The following DCP2 variants were observed in gnomAD, a reference collection of about 807,000 sequenced individuals.
DCP2 encodes m7GpppN-mRNA hydrolase.
In DCP2, 30 loss-of-function variants were observed where a neutral mutation model predicts 56.1. The ratio of observed to expected loss-of-function variants is 0.53; its 90% confidence interval spans 0.40 to 0.73. The LOEUF (loss-of-function observed/expected upper bound fraction) is 0.73, where lower values mean the gene tolerates loss of function less well. Ranked by LOEUF, DCP2 falls within the 30% of genes least tolerant of loss-of-function variation. The probability of loss-of-function intolerance (pLI) is 0.00; values close to 1 mark genes in which losing one functional copy is unlikely to be tolerated. For synonymous variants in DCP2, 197 were observed against 163.3 expected (o/e 1.21, Z -1.57); for missense variants, 533 against 502.7 (o/e 1.06, Z -0.58).
At chr5:113,005,512 T>G (rs953833220) in intron 8 of DCP2, among the ~76,000 whole-genome samples, 1 of 152,106 alleles carries the variant, frequency 6.6e-6, no homozygotes, top group Non-Finnish European at 1.5e-5. Context: ...AAACAAGTAT[T>G]GGTGAGGATG....
In DCP2 at chr5:113,020,649, T is replaced by C. The variant is rs894267006; in HGVS notation, c.*7165T>C. The C allele has an allele frequency of 2.0e-4, 31 of 152,232 alleles. No individual in the cohort carries two copies. The highest frequency in any genetic ancestry group is 7.5e-4 in the African/African-American group (31 of 41,448). 9.4% of individuals were successfully genotyped at this position (152,232 alleles called of 1,614,324 possible). A position where few individuals can be genotyped will look rare whatever the true frequency, so the allele number is the denominator to read the frequency against. ...ATGACTATCAAAGGATTTCCGGTGA[T>C]TCATGTTTGTGAATTGGAGTTTAAA... On this transcript the variant is annotated 3_prime_UTR_variant, in exon 11 of 11. Coordinates refer to ENST00000389063, the MANE Select transcript of DCP2 (RefSeq NM_152624.6).
At chr5:112,986,376 C>T (rs917794723) in intron 2 of DCP2, among the ~76,000 whole-genome samples, 8 of 150,174 alleles carry the variant, frequency 5.3e-5, no homozygotes, top group South Asian at 4.2e-4. Context: ...CTTATTCTGT[C>T]GCTCAGGCTG....
At chr5:112,991,268 C>G (rs1033069371) in intron 2 of DCP2, among the ~76,000 whole-genome samples, 2 of 152,076 alleles carry the variant, frequency 1.3e-5, no homozygotes, top group Non-Finnish European at 2.9e-5. Flanking sequence ...AAAGTATGAC[C>G]TCATTTTGAG....
chr5:112,985,794 G>GTT (rs759905699), intron 1 of DCP2, 41 bp from the exon 2 acceptor site: 8 of 1,587,674 alleles, frequency 5.0e-6, no homozygotes. Flanking sequence ...AATCGTTATA[G>GTT]TTTGTAAATG....
Position 113,015,620 on chromosome 5 carries a change from T to G in DCP2, c.*2136T>G, listed in dbSNP as rs1749854395. On this transcript the variant is annotated 3_prime_UTR_variant, in exon 11 of 11. Coordinates refer to ENST00000389063, the MANE Select transcript of DCP2 (RefSeq NM_152624.6). ...ATATAAGGGTACTGTTGGGGTGTGA[T>G]TATGATAACTTCAGGCTTTTAGCTC... 1 of 152,656 alleles carries G rather than the reference T, an allele frequency of 6.6e-6. No homozygotes were observed. The highest frequency in any genetic ancestry group is 1.5e-5 in the Non-Finnish European group (1 of 68,028). 9.5% of individuals were successfully genotyped at this position (152,656 alleles called of 1,614,324 possible). A position where few individuals can be genotyped will look rare whatever the true frequency, so the allele number is the denominator to read the frequency against.
At chr5:113,006,422 G>A (rs1413231763) in intron 8 of DCP2, among the ~76,000 whole-genome samples, 3 of 152,156 alleles carry the variant, frequency 2.0e-5, no homozygotes, top group Non-Finnish European at 4.4e-5. Flanking sequence ...GGTTGATGTG[G>A]TAAATTGTAT....
At chr5:112,993,869 T>C (rs1748714695) in intron 4 of DCP2, among the ~76,000 whole-genome samples, 1 of 152,102 alleles carries the variant, frequency 6.6e-6, no homozygotes, top group African/African-American at 2.4e-5. Flanking sequence ...TGTGTGTGTG[T>C]TTATAAATAT....
chr5:113,004,448 G>T (rs551106602), intron 8 of DCP2, among the ~76,000 whole-genome samples: 23 of 152,318 alleles, frequency 1.5e-4, no homozygotes, highest in Middle Eastern at 3.4e-3. Context: ...GTATTCGAGT[G>T]TATAATTACA....
intron 4 of DCP2, among the ~76,000 whole-genome samples, chr5:112,999,296 G>A (rs950939521): frequency 1.3e-5 from 2 of 152,060 alleles, no homozygotes; most frequent in Admixed American, 1.3e-4. Flanking sequence ...CTAGAATTAA[G>A]AAACATATAA....
intron 1 of DCP2, among the ~76,000 whole-genome samples, chr5:112,984,897 G>C (rs1748200074): frequency 6.6e-6 from 1 of 151,054 alleles, no homozygotes; most frequent in Admixed American, 6.6e-5. Flanking sequence ...GTTGAGAAGG[G>C]CCTCTTGTAA....
intron 9 of DCP2, 33 bp from the exon 10 acceptor site, chr5:113,010,723 G>A: frequency 2.1e-6 from 3 of 1,426,394 alleles, no homozygotes; most frequent in Non-Finnish European, 9.2e-7. Flanking sequence ...TGTTGTATGT[G>A]TGTGTGTGTG....
rs137922564 is a variant in DCP2 at position 112,990,087 on chromosome 5, C to T, written c.206-2034C>T. On this transcript the variant is annotated intron_variant, in intron 2 of 10. Coordinates refer to ENST00000389063, the MANE Select transcript of DCP2 (RefSeq NM_152624.6). ...AGCACATATATTTGTACATGTAAATCGTTTACTTGGCCATCTCATTGGCAA... is the reference window on the plus strand; with the variant it reads ...AGCACATATATTTGTACATGTAAATTGTTTACTTGGCCATCTCATTGGCAA... Among the ~76,000 whole-genome samples the T allele has an allele frequency of 1.1e-3, 171 of 152,212 alleles. 1 individual carries two copies. Among genetic ancestry groups the T allele is most frequent in the Non-Finnish European group, 2.0e-3 (138 of 68,014 alleles).
At chr5:112,982,936 T>G (rs2150168191) in intron 1 of DCP2, among the ~76,000 whole-genome samples, 1 of 152,342 alleles carries the variant, frequency 6.6e-6, no homozygotes, top group Non-Finnish European at 1.5e-5. Context: ...ACGCTTCTCC[T>G]TTATGTGAGT....
intron 4 of DCP2, among the ~76,000 whole-genome samples, chr5:112,997,363 A>G (rs1167412062): frequency 6.6e-6 from 1 of 152,224 alleles, no homozygotes; most frequent in Admixed American, 6.5e-5. Context: ...ATAAGCGAAT[A>G]ATACTTAGCT....
At chr5:112,982,102 G>A (rs1748033763) in intron 1 of DCP2, among the ~76,000 whole-genome samples, 1 of 152,096 alleles carries the variant, frequency 6.6e-6, no homozygotes, top group Non-Finnish European at 1.5e-5. Context: ...TTTTTTTGAG[G>A]GGAGGGGACA....
Position 112,976,938 on chromosome 5 carries a change from A to C in DCP2, c.5A>C (p.Glu2Ala). The C allele has an allele frequency of 6.2e-7, 1 of 1,609,004 alleles. No individual in the cohort carries two copies. The highest frequency in any genetic ancestry group is 1.1e-5 in the South Asian group (1 of 90,880). ...TTCCTGCTGTGGGTCCTCATCATGG[A>C]GACCAAACGGGTGGAGATTCCCGGC... M[E>A]TKRVEIPGSV... Residue 2 changes from glutamate (E) to alanine (A), a missense_variant, in exon 1 of 11, where the codon GAG becomes GCG. Physicochemically the swap from Glu to Ala is moderately radical, Grantham distance 107. Transcript: ENST00000389063.
At chr5:113,011,748 G>C (rs547765692) in intron 10 of DCP2, among the ~76,000 whole-genome samples, 6 of 152,258 alleles carry the variant, frequency 3.9e-5, no homozygotes, top group African/African-American at 1.4e-4. Flanking sequence ...TTTGTTACCT[G>C]TGCTTTTGCG....
At chr5:113,002,913 A>G (rs754276629) in intron 7 of DCP2, among the ~76,000 whole-genome samples, 18 of 152,208 alleles carry the variant, frequency 1.2e-4, no homozygotes, top group Non-Finnish European at 2.5e-4. Flanking sequence ...TAAACATAAT[A>G]TATATTTTAA....
chr5:112,993,761 C>T (rs867282243), intron 4 of DCP2, among the ~76,000 whole-genome samples: 1 of 151,940 alleles, frequency 6.6e-6, no homozygotes, highest in African/African-American at 2.4e-5. Context: ...TCCCTTTTCC[C>T]TGAAGGACTG....
Sources: allele counts gnomAD v4.1 joint callset (sites outside exome capture counted in the v4.1 genomes callset), GRCh38; gene constraint gnomAD v4.1.1; transcripts MANE v1.5; gene names NCBI Gene and HGNC (gene_info 2026-07-23, HGNC 2026-07-21).